The following GABRA4 variants were observed in gnomAD, a reference collection of about 807,000 sequenced individuals.
GABRA4 encodes gamma-aminobutyric acid receptor subunit alpha-4.
In GABRA4, 12 loss-of-function variants were observed where a neutral mutation model predicts 49.7. That is an observed-to-expected ratio of 0.24 (90% confidence interval 0.15 to 0.39). The LOEUF is 0.39. GABRA4 is among the 10% of genes least tolerant of loss of function. GABRA4 has a pLI of 1.00. For missense variants in GABRA4, 506 were observed against 686.0 expected, an observed-to-expected ratio of 0.74 and a Z score of 2.93; for synonymous variants, 288 against 240.2, an observed-to-expected ratio of 1.20 and a Z score of -1.84.
chr4:46,989,123 C>T (rs1023901209), intron 2 of GABRA4, among the ~76,000 whole-genome samples: 1 of 152,142 alleles, frequency 6.6e-6, no homozygotes, highest in Non-Finnish European at 1.5e-5. Flanking sequence ...GTATTTGGAA[C>T]GTTTATTATT....
At chr4:46,954,200 G>A (rs545591542) in intron 8 of GABRA4, among the ~76,000 whole-genome samples, 19 of 152,128 alleles carry the variant, frequency 1.2e-4, no homozygotes, top group African/African-American at 4.3e-4. Flanking sequence ...CTGACTCAGT[G>A]ACCCCACAAA....
At chr4:46,955,351 C>A (rs1028002970) in intron 8 of GABRA4, among the ~76,000 whole-genome samples, 1 of 151,948 alleles carries the variant, frequency 6.6e-6, no homozygotes, top group Non-Finnish European at 1.5e-5. Flanking sequence ...AATTTTGATG[C>A]GAATGTTGGC....
rs1356395551 is a variant in GABRA4 at position 46,927,913 on chromosome 4, T to A, written c.*312A>T. The A allele has an allele frequency of 4.7e-6, 1 of 214,632 alleles. No homozygotes were observed. Among genetic ancestry groups the A allele is most frequent in the African/African-American group, 2.3e-5 (1 of 42,676 alleles). The allele number at this position is 214,632 out of a possible 1,614,324, so 13.3% of individuals were successfully genotyped here. On this transcript the variant is annotated 3_prime_UTR_variant, in exon 9 of 9. Transcript: ENST00000264318. ...ATTTTTAAAATGTCATAGTCTGTTT[T>A]CAAATATCAATGAAAAAATATGCGC...
intron 8 of GABRA4, among the ~76,000 whole-genome samples, chr4:46,933,820 T>C (rs1451618349): frequency 6.6e-6 from 1 of 152,162 alleles, no homozygotes; most frequent in African/African-American, 2.4e-5. Context: ...ATTTGAATTT[T>C]AAAAAATGAT....
chr4:46,969,339 G>A (rs539354070), intron 7 of GABRA4, among the ~76,000 whole-genome samples: 192 of 151,544 alleles, frequency 1.3e-3, no homozygotes, highest in African/African-American at 4.3e-3. Context: ...TTTAATGAGG[G>A]TAGCTCCAGA....
chr4:46,971,952 C>G (rs991467195), intron 6 of GABRA4, among the ~76,000 whole-genome samples: 1 of 150,732 alleles, frequency 6.6e-6, no homozygotes, highest in African/African-American at 2.4e-5. Context: ...TTTCTGGTAG[C>G]TGTTGATAAG....
In GABRA4 at chr4:46,967,677, C is replaced by T. The variant is rs1300776664; in HGVS notation, c.875-2448G>A. ...GCATCCAGGAAGACAATTCATCTGTCGTGTATGGCTTAGCCGGCATCTACC... is the reference window on the plus strand; with the variant it reads ...GCATCCAGGAAGACAATTCATCTGTTGTGTATGGCTTAGCCGGCATCTACC... On this transcript the variant is annotated intron_variant, in intron 7 of 8. Transcript: ENST00000264318. Among the ~76,000 whole-genome samples, 6 of 151,684 alleles carry T rather than the reference C, an allele frequency of 4.0e-5. No homozygotes were observed. In the East Asian group the frequency reaches 7.8e-4, roughly 20 times the overall value.
chr4:46,990,904 C>T (rs895774512), intron 2 of GABRA4, among the ~76,000 whole-genome samples: 16 of 152,196 alleles, frequency 1.1e-4, no homozygotes, highest in African/African-American at 3.6e-4. Context: ...AATGCTGGCC[C>T]GGCGCGGCTC....
In GABRA4 at chr4:46,919,354, A is replaced by G. The variant is rs1247968117; in HGVS notation, c.*8871T>C. 6.6e-6 allele frequency: 1 copy of G among 151,542 alleles called. No individual in the cohort carries two copies. Among genetic ancestry groups the G allele is most frequent in the Non-Finnish European group, 1.5e-5 (1 of 67,554 alleles). The allele number at this position is 151,542 out of a possible 1,614,324, so 9.4% of individuals were successfully genotyped here. On this transcript the variant is annotated 3_prime_UTR_variant, in exon 9 of 9. Coordinates refer to ENST00000264318, the MANE Select transcript of GABRA4 (RefSeq NM_000809.4). ...GCTCCTCACTATAATATACCATGAT[A>G]ATATTCCTACATTGAATAAAATTGC...
chr4:46,978,869 A>G (rs1181516092), intron 3 of GABRA4, among the ~76,000 whole-genome samples, 162 bp downstream of exon 3: 1 of 152,056 alleles, frequency 6.6e-6, no homozygotes, highest in Admixed American at 6.6e-5. Context: ...TGCAAATTGA[A>G]TGAGATTCAA....
chr4:46,941,856 G>T (rs143245362), intron 8 of GABRA4, among the ~76,000 whole-genome samples: 201 of 152,194 alleles, frequency 1.3e-3, no homozygotes, highest in African/African-American at 4.5e-3. Context: ...GGTTTAAAAG[G>T]CTTAAAAGGT....
rs773617570 is a variant in GABRA4, at chr4:46,971,099, G to A, written c.858C>T (p.Pro286=). 67 of 1,608,756 alleles carry A rather than the reference G, an allele frequency of 4.2e-5. No homozygotes were observed. The highest frequency in any genetic ancestry group is 3.3e-4 in the Middle Eastern group (2 of 6,020). Residue 286 remains proline, a synonymous_variant, in exon 7 of 9, where the codon CCC becomes CCT. Transcript: ENST00000264318. ...TGCAATTACCAAATACAGTCCTAGC[G>A]GGAACTGATTCTTTATTTATCCAAA... ...VSFWINKESV[P]ARTVFGITTV...
At chr4:46,983,243 T>A (rs549987487) in intron 2 of GABRA4, among the ~76,000 whole-genome samples, 1 of 152,126 alleles carries the variant, frequency 6.6e-6, no homozygotes, top group Non-Finnish European at 1.5e-5. Context: ...GAATTTCATA[T>A]CTAGAATATA....
At chr4:46,964,926 C>T in intron 8 of GABRA4, 44 bp downstream of exon 8, 21 of 1,481,882 alleles carry the variant, frequency 1.4e-5, no homozygotes, top group South Asian at 7.3e-5. Flanking sequence ...TAAATTTGAC[C>T]AAGAAGCTAA....
At chr4:46,967,546 A>AT (rs1722809848) in intron 7 of GABRA4, among the ~76,000 whole-genome samples, 2 of 151,576 alleles carry the variant, frequency 1.3e-5, no homozygotes, top group Non-Finnish European at 3.0e-5. Flanking sequence ...TTCATGAGTT[A>AT]AGTGGTGATG....
intron 4 of GABRA4, 58 bp from the exon 5 acceptor site, chr4:46,977,201 T>C: frequency 8.4e-7 from 1 of 1,196,466 alleles, no homozygotes; most frequent in Non-Finnish European, 1.2e-6. Context: ...ATTGTGACTT[T>C]AGATTCTAAA....
intron 5 of GABRA4, among the ~76,000 whole-genome samples, chr4:46,975,547 C>T (rs924226935): frequency 6.6e-6 from 1 of 151,912 alleles, no homozygotes; most frequent in Non-Finnish European, 1.5e-5. Flanking sequence ...TTTTCTTCCT[C>T]TTTCCAGATT....
intron 2 of GABRA4, among the ~76,000 whole-genome samples, chr4:46,984,704 A>G (rs1036283686): frequency 1.3e-5 from 2 of 152,096 alleles, no homozygotes; most frequent in African/African-American, 4.8e-5. Flanking sequence ...ACGTTAAAAC[A>G]TAGTGAGAAT....
At chr4:46,983,155 A>G (rs1383312099) in intron 2 of GABRA4, among the ~76,000 whole-genome samples, 1 of 152,046 alleles carries the variant, frequency 6.6e-6, no homozygotes, top group East Asian at 1.9e-4. Flanking sequence ...CCTTGTATTG[A>G]TCTCCAAAGC....
Sources: gnomAD v4.1 joint callset for allele counts (sites outside exome capture counted in the v4.1 genomes callset) on GRCh38, gnomAD v4.1.1 for gene constraint, MANE v1.5 for transcripts, NCBI Gene and HGNC (gene_info 2026-07-23, HGNC 2026-07-21) for gene names.